The following CC2D2A variants were observed in gnomAD, a reference collection of about 807,000 sequenced individuals.
CC2D2A encodes coiled-coil and C2 domain containing 2A.
Under a neutral mutation model 212.9 loss-of-function variants are expected in CC2D2A, and 155 were observed. That is an observed-to-expected ratio of 0.73 (90% CI 0.64 to 0.83). The LOEUF (loss-of-function observed/expected upper bound fraction) is 0.83, where lower values mean the gene tolerates loss of function less well. Ranked by LOEUF, CC2D2A falls within the 40% of genes least tolerant of loss-of-function variation. The pLI is 0.00. For missense variants in CC2D2A, 1,856 were observed against 1,956.2 expected (o/e 0.95, Z 0.97); for synonymous variants, 667 against 686.5 (o/e 0.97, Z 0.44).
intron 13 of CC2D2A, among the ~76,000 whole-genome samples, chr4:15,530,792 T>C (rs1420332248): frequency 5.9e-5 from 9 of 151,854 alleles, no homozygotes; most frequent in African/African-American, 1.7e-4. Flanking sequence ...CCCTGGGATC[T>C]GATCAGCCAC....
At chr4:15,529,638 G>A (rs1717710308) in intron 13 of CC2D2A, among the ~76,000 whole-genome samples, 1 of 151,894 alleles carries the variant, frequency 6.6e-6, no homozygotes, top group East Asian at 1.9e-4. Flanking sequence ...GAATTATGTA[G>A]ATTTATTGTA....
chr4:15,599,843 C>CT, intron 36 of CC2D2A, 137 bp downstream of exon 36: 2 of 542,770 alleles, frequency 3.7e-6, no homozygotes, highest in Non-Finnish European at 6.0e-6. Context: ...AAACTAAAAA[C>CT]TGTGATCATA....
intron 4 of CC2D2A, among the ~76,000 whole-genome samples, chr4:15,501,333 C>T (rs1042546737): frequency 6.6e-6 from 1 of 152,138 alleles, no homozygotes; most frequent in African/African-American, 2.4e-5. Flanking sequence ...TCCTTCCTAT[C>T]TCACACCAGG....
At chr4:15,536,753 C>T (rs747913436) in intron 14 of CC2D2A, among the ~76,000 whole-genome samples, 167 bp from the exon 15 acceptor site, 4 of 152,128 alleles carry the variant, frequency 2.6e-5, no homozygotes, top group Non-Finnish European at 5.9e-5. Context: ...CTCATGTATA[C>T]GATGTGGATA....
At chr4:15,599,745 C>G (rs1369766109) in intron 36 of CC2D2A, 39 bp downstream of exon 36, 2 of 1,477,556 alleles carry the variant, frequency 1.4e-6, no homozygotes, top group African/African-American at 2.8e-5. Context: ...TGTGGATTTC[C>G]TTGTTTCAAA....
chr4:15,599,635 GA>G lies in CC2D2A; in HGVS notation c.4609del (p.Ser1537ValfsTer6). 1 of 1,613,568 alleles carries G rather than the reference GA, an allele frequency of 6.2e-7. No homozygotes were observed. Among genetic ancestry groups the G allele is most frequent in the Non-Finnish European group, 8.5e-7 (1 of 1,179,580 alleles). On this transcript the variant is annotated frameshift_variant, in exon 36 of 37. Coordinates refer to ENST00000424120, the MANE Select transcript of CC2D2A (RefSeq NM_001378615.1). LOFTEE classifies it high-confidence loss of function. ...STLRHFLPLLEKSQGEDVEDD... is the reference protein window; with the variant it reads ...STLRHFLPLLXKSQGEDVEDD... ...TCTGCGTCACTTCTTGCCTCTGTTA[GA>G]AAAAAGTCAAGGAGAAGATGTAGAA...
At chr4:15,544,599 T>C (rs1718616495) in intron 17 of CC2D2A, among the ~76,000 whole-genome samples, 1 of 152,176 alleles carries the variant, frequency 6.6e-6, no homozygotes, top group East Asian at 1.9e-4. Context: ...CCTCCACTGA[T>C]GGGTGAGAGC....
intron 17 of CC2D2A, among the ~76,000 whole-genome samples, chr4:15,545,062 T>A (rs542099320): frequency 9.3e-4 from 141 of 152,340 alleles, no homozygotes; most frequent in Non-Finnish European, 1.3e-3. Context: ...CATAGTTTTT[T>A]AAGACTGAGT....
chr4:15,587,761 C>G lies in CC2D2A; in HGVS notation c.4066-55C>G, dbSNP rs997392673. 6.4e-6 allele frequency: 6 copies of G among 939,874 alleles called. No homozygotes were observed. In the East Asian group the frequency reaches 1.5e-4, roughly 24 times the overall value. 58.2% of individuals were successfully genotyped at this position (939,874 alleles called of 1,614,324 possible). On this transcript the variant is annotated intron_variant, in intron 31 of 36. Transcript: ENST00000424120. Reference sequence around the variant, plus strand: ...ATGACATATTAGAATCCTGCACAACCAATCCAGAATAAAGCATTGAGTCAT... The same window carrying G: ...ATGACATATTAGAATCCTGCACAACGAATCCAGAATAAAGCATTGAGTCAT...
In CC2D2A at chr4:15,575,893, G is replaced by A. The variant is rs189113323; in HGVS notation, c.3771+1567G>A. On this transcript the variant is annotated intron_variant, in intron 29 of 36. Transcript: ENST00000424120. ...GGCAGTCAGCTAGGACCCCACCTTGGGGGTGTGTTTCTAAAACACGTGAAA... is the reference window on the plus strand; with the variant it reads ...GGCAGTCAGCTAGGACCCCACCTTGAGGGTGTGTTTCTAAAACACGTGAAA... Among the ~76,000 whole-genome samples, 4 of 152,328 alleles carry A rather than the reference G, an allele frequency of 2.6e-5. No individual in the cohort carries two copies. In the East Asian group the frequency reaches 7.7e-4, roughly 29 times the overall value.
intron 11 of CC2D2A, chr4:15,519,880 G>A (rs1347064331): frequency 3.6e-6 from 1 of 274,462 alleles, no homozygotes; most frequent in African/African-American, 2.2e-5. Context: ...GTTTTGGGTG[G>A]GGACACAGCC....
At chr4:15,472,054 C>T (rs913059566) in intron 1 of CC2D2A, among the ~76,000 whole-genome samples, 1 of 152,130 alleles carries the variant, frequency 6.6e-6, no homozygotes, top group Admixed American at 6.5e-5. Flanking sequence ...GAATAGCCCA[C>T]TATTCTGGAA....
chr4:15,578,816 G>GTTTT (rs955948583), intron 29 of CC2D2A, among the ~76,000 whole-genome samples: 14 of 119,040 alleles, frequency 1.2e-4, no homozygotes, highest in Middle Eastern at 4.7e-3. Context: ...TTGTTTGTTT[G>GTTTT]TTTTTAATAG....
In CC2D2A at chr4:15,527,442, G is replaced by A. The variant is rs746028676; in HGVS notation, c.1150-5G>A. On this transcript the variant is annotated splice_region_variant and splice_polypyrimidine_tract_variant and intron_variant, in intron 11 of 36. Transcript: ENST00000424120. ...GTTCTGTCTACACTCTGCTTTCCTTGGCAGGCTGTAAAATACGTTCACAGT... is the reference window on the plus strand; with the variant it reads ...GTTCTGTCTACACTCTGCTTTCCTTAGCAGGCTGTAAAATACGTTCACAGT... The A allele has an allele frequency of 3.1e-6, 5 of 1,608,766 alleles. No individual in the cohort carries two copies. Among genetic ancestry groups the A allele is most frequent in the Non-Finnish European group, 4.2e-6 (5 of 1,176,778 alleles).
At chr4:15,500,129 A>ATATATATG (rs1553823493) in intron 4 of CC2D2A, among the ~76,000 whole-genome samples, 19 of 141,346 alleles carry the variant, frequency 1.3e-4, no homozygotes, top group African/African-American at 4.7e-4. Flanking sequence ...ATATATATAT[A>ATATATATG]TATGTATTTT....
chr4:15,478,997 A>G (rs1289452980), intron 3 of CC2D2A, among the ~76,000 whole-genome samples, 191 bp downstream of exon 3: 1 of 152,128 alleles, frequency 6.6e-6, no homozygotes, highest in African/African-American at 2.4e-5. Flanking sequence ...TCAGAGACTT[A>G]TAGATGAGCC....
chr4:15,509,910 C>T (rs540973964), intron 6 of CC2D2A, among the ~76,000 whole-genome samples: 2 of 152,184 alleles, frequency 1.3e-5, no homozygotes, highest in Non-Finnish European at 2.9e-5. Context: ...AGTAAAAATA[C>T]CGTATTTATA....
intron 4 of CC2D2A, among the ~76,000 whole-genome samples, chr4:15,491,400 T>C (rs1270757470): frequency 6.6e-6 from 1 of 152,198 alleles, no homozygotes; most frequent in Non-Finnish European, 1.5e-5. Flanking sequence ...AAAATGACTA[T>C]TTACTTTTCG....
In CC2D2A at chr4:15,550,954, C is replaced by T; in HGVS notation, c.2312C>T (p.Thr771Ile). 1.9e-6 allele frequency: 3 copies of T among 1,601,208 alleles called. No individual in the cohort carries two copies. The highest frequency in any genetic ancestry group is 2.6e-6 in the Non-Finnish European group (3 of 1,169,964). ...GAGTTTAGCAGTAATCAGCATGTGA[C>T]ACTGGACCACGAGGGAGTTGGAAGT... Reference protein sequence around the residue: ...EVEFSSNQHVTLDHEGVGSGV... With the variant: ...EVEFSSNQHVILDHEGVGSGV... Residue 771 changes from threonine (T) to isoleucine (I), a missense_variant, in exon 18 of 37, where the codon ACA (threonine) becomes ATA (isoleucine). Coordinates refer to ENST00000424120, the MANE Select transcript of CC2D2A (RefSeq NM_001378615.1).
Sources: allele counts gnomAD v4.1 joint callset (sites outside exome capture counted in the v4.1 genomes callset), GRCh38; gene constraint gnomAD v4.1.1; transcripts MANE v1.5; gene names NCBI Gene and HGNC (gene_info 2026-07-23, HGNC 2026-07-21).